Variants in CCDC171 observed in about 807,000 individuals in gnomAD.
The protein encoded by CCDC171 is coiled-coil domain-containing protein 171.
A neutral mutation model predicts 168.2 loss-of-function variants in CCDC171; 177 were observed. The ratio of observed to expected loss-of-function variants is 1.05; its 90% CI spans 0.93 to 1.19. The LOEUF is 1.19. Among genes scored for constraint, CCDC171 ranks in the 50% most tolerant of loss-of-function variants. The pLI is 0.00. For synonymous variants in CCDC171, 687 were observed against 540.8 expected (o/e 1.27, Z -3.75); for missense variants, 1,991 against 1,539.0 (o/e 1.29, Z -4.91).
chr9:15,749,097 G>A (rs1564339808), intron 18 of CCDC171, among the ~76,000 whole-genome samples: 1 of 151,014 alleles, frequency 6.6e-6, no homozygotes, highest in African/African-American at 2.4e-5. Flanking sequence ...ATGCACATAG[G>A]CTCAAAATAA....
In CCDC171 at chr9:15,837,667, T is replaced by C. The variant is rs1448944868; in HGVS notation, c.3268-9035T>C. On this transcript the variant is annotated intron_variant, in intron 21 of 25. Transcript: ENST00000380701. Reference sequence around the variant, plus strand: ...TGCTTCCAACTGTTGCTGAAACTGGTTGATTTAGTTGTGAGCCTTCATCTT... The same window carrying C: ...TGCTTCCAACTGTTGCTGAAACTGGCTGATTTAGTTGTGAGCCTTCATCTT... Among the ~76,000 whole-genome samples, 4 of 152,228 alleles carry C rather than the reference T, an allele frequency of 2.6e-5. No homozygotes were observed. In the East Asian group the frequency reaches 7.7e-4, roughly 29 times the overall value.
intron 13 of CCDC171, among the ~76,000 whole-genome samples, chr9:15,724,356 A>T (rs7038920): frequency 2.0e-5 from 3 of 152,198 alleles, no homozygotes; most frequent in African/African-American, 4.8e-5. Context: ...CAGTTCAGCA[A>T]AATTTTGTGC....
intron 15 of CCDC171, 132 bp downstream of exon 15, chr9:15,728,168 AT>A (rs760848547): frequency 1.5e-4 from 104 of 689,470 alleles, no homozygotes; most frequent in Middle Eastern, 4.0e-4. Flanking sequence ...AATACCATTA[AT>A]TATGGCTTGT....
chr9:15,596,006 G>A (rs2042320583), intron 6 of CCDC171, among the ~76,000 whole-genome samples: 1 of 151,942 alleles, frequency 6.6e-6, no homozygotes, highest in Non-Finnish European at 1.5e-5. Flanking sequence ...TTTTTTTCCT[G>A]TAAATTTGTT....
At chr9:15,740,061 G>A (rs1285871265) in intron 16 of CCDC171, among the ~76,000 whole-genome samples, 1 of 151,934 alleles carries the variant, frequency 6.6e-6, no homozygotes, top group African/African-American at 2.4e-5. Context: ...TTTTAAATCT[G>A]TTAATTGATC....
At chr9:16,105,572 A>C in the CCDC171 span, among the ~76,000 whole-genome samples, 2 of 152,138 alleles carry the variant, frequency 1.3e-5, no homozygotes, top group Admixed American at 6.5e-5. Context: ...ACGGTAATGA[A>C]CTCATCTAAC....
chr9:15,572,845 A>C (rs564780136), intron 3 of CCDC171, among the ~76,000 whole-genome samples: 1 of 152,202 alleles, frequency 6.6e-6, no homozygotes, highest in Non-Finnish European at 1.5e-5. Context: ...ATAGGCCGTC[A>C]GTAGTTGTGT....
chr9:15,646,067 G>T (rs1299256278), intron 7 of CCDC171, among the ~76,000 whole-genome samples: 1 of 152,204 alleles, frequency 6.6e-6, no homozygotes, highest in Non-Finnish European at 1.5e-5. Flanking sequence ...AACTCTACAA[G>T]CCAGAAGAGA....
intron 11 of CCDC171, among the ~76,000 whole-genome samples, chr9:15,699,158 T>C (rs952711485): frequency 1.3e-5 from 2 of 152,068 alleles, no homozygotes; most frequent in Non-Finnish European, 2.9e-5. Context: ...CGGAGTTTCT[T>C]CCTTCTGGTG....
At chr9:15,698,834 T>G (rs905568106) in intron 11 of CCDC171, among the ~76,000 whole-genome samples, 3 of 152,212 alleles carry the variant, frequency 2.0e-5, no homozygotes, top group African/African-American at 7.2e-5. Flanking sequence ...ACTTTAGGTA[T>G]GGTAGCATCT....
At chr9:15,743,359 A>G (rs1021654348) in intron 16 of CCDC171, among the ~76,000 whole-genome samples, 2 of 151,056 alleles carry the variant, frequency 1.3e-5, no homozygotes, top group South Asian at 2.1e-4. Flanking sequence ...ATTTGTGGAG[A>G]TGGGGTCTTG....
At chr9:15,666,107 A>G in intron 8 of CCDC171, 56 bp from the exon 9 acceptor site, 1 of 1,477,838 alleles carries the variant, frequency 6.8e-7, no homozygotes, top group Non-Finnish European at 9.4e-7. Flanking sequence ...TACTCAATTT[A>G]AGATTGATGC....
downstream of CCDC171, among the ~76,000 whole-genome samples, chr9:16,063,875 G>T (rs978142085): frequency 3.9e-5 from 6 of 152,216 alleles, no homozygotes; most frequent in Non-Finnish European, 7.3e-5. Context: ...AGCAGAGCAA[G>T]GGACCAAGAT....
chr9:15,644,008 G>A (rs945174804), intron 7 of CCDC171, among the ~76,000 whole-genome samples: 1 of 152,140 alleles, frequency 6.6e-6, no homozygotes, highest in East Asian at 1.9e-4. Flanking sequence ...TTCCATCTTT[G>A]GCTGTTATAA....
intron 18 of CCDC171, among the ~76,000 whole-genome samples, chr9:15,768,192 T>TTA (rs2056835302): frequency 6.9e-6 from 1 of 145,408 alleles, no homozygotes; most frequent in Non-Finnish European, 1.5e-5. Context: ...ATGAGTTTCC[T>TTA]AAAAAAAAAA....
At chr9:15,890,427 A>G (rs929517885) in intron 24 of CCDC171, among the ~76,000 whole-genome samples, 3 of 152,176 alleles carry the variant, frequency 2.0e-5, no homozygotes, top group African/African-American at 7.2e-5. Context: ...CAAATAGGAA[A>G]TATCTGGAGT....
chr9:15,745,925 G>A (rs1209588836), intron 18 of CCDC171, among the ~76,000 whole-genome samples: 1 of 151,792 alleles, frequency 6.6e-6, no homozygotes, highest in Non-Finnish European at 1.5e-5. Flanking sequence ...AGTAATACTG[G>A]CAATGTTTTT....
Position 15,695,316 on chromosome 9 carries a change from G to A in CCDC171, c.1297G>A (p.Val433Met), listed in dbSNP as rs778747007. ...GGAATCGATCTTGGACAGCTTTACT[G>A]TGTCGGGCCAGTGGACATCAGGTTA... is the stretch of plus-strand genomic sequence containing the variant. ...ELESILDSFTVSGQWTSGIHK... is the reference protein window; with the variant it reads ...ELESILDSFTMSGQWTSGIHK... The change falls in exon 11 of 26, where the codon GTG (valine) becomes ATG (methionine). Residue 433 changes from valine to methionine, a missense_variant. By Grantham distance (21) the Val-to-Met change is conservative. Transcript: ENST00000380701. 10 of 1,613,830 alleles carry A rather than the reference G, an allele frequency of 6.2e-6. No homozygotes were observed. Among genetic ancestry groups the A allele is most frequent in the Non-Finnish European group, 8.5e-7 (1 of 1,179,828 alleles).
At chr9:15,996,957 G>C (rs1254733380) in intron 3 of CCDC171, among the ~76,000 whole-genome samples, 5 of 152,184 alleles carry the variant, frequency 3.3e-5, no homozygotes, top group Non-Finnish European at 7.3e-5. Flanking sequence ...GTAGTGGGTG[G>C]ATTGGTCATT....
Sources: gnomAD v4.1 joint callset for allele counts (sites outside exome capture counted in the v4.1 genomes callset) on GRCh38, gnomAD v4.1.1 for gene constraint, MANE v1.5 for transcripts, NCBI Gene and HGNC (gene_info 2026-07-23, HGNC 2026-07-21) for gene names.